Variants in ERICH5 observed in about 807,000 individuals in gnomAD.
ERICH5 encodes glutamate rich 5.
Under a neutral mutation model 28.0 loss-of-function variants are expected in ERICH5, and 24 were observed. The observed-to-expected ratio is 0.86, with a 90% CI of 0.62 to 1.21. The LOEUF is 1.21. Ranked by LOEUF, ERICH5 falls within the 50% of genes most tolerant of loss-of-function variation. The pLI, the probability that ERICH5 is intolerant of heterozygous loss-of-function variation, is 0.00. For missense variants in ERICH5, 421 were observed against 441.2 expected, an observed-to-expected ratio of 0.95 and a Z score of 0.41; for synonymous variants, 163 against 157.6, an observed-to-expected ratio of 1.03 and a Z score of -0.25.
rs1192266903 is a variant in ERICH5, at chr8:98,091,893, TTTC to T, written c.1013-1325_1013-1323del. 8.6e-5 allele frequency among the ~76,000 whole-genome samples: 6 copies of T among 69,950 alleles called. 1 individual carries two copies. Among genetic ancestry groups the T allele is most frequent in the African/African-American group, 3.2e-4 (6 of 19,018 alleles). The allele number at this position is 69,950 out of a possible 152,430, so 45.9% of individuals were successfully genotyped here. A position where few individuals can be genotyped will look rare whatever the true frequency, so the allele number is the denominator to read the frequency against. On this transcript the variant is annotated intron_variant, in intron 2 of 2. Coordinates refer to ENST00000318528, the MANE Select transcript of ERICH5 (RefSeq NM_173549.3). ...CTTTCTTTCTTTCTTTCTTTCTTTCTTTCTTTCCTTTCTTTCTTTCTTTCTTCC... is the reference window on the plus strand; with the variant it reads ...CTTTCTTTCTTTCTTTCTTTCTTTCTTTTCCTTTCTTTCTTTCTTTCTTCC...
Position 98,089,457 on chromosome 8 carries a change from C to CTGAA in ERICH5, c.441_444dup (p.Ala149Ter). On this transcript the variant is annotated frameshift_variant, in exon 2 of 3. Coordinates refer to ENST00000318528, the MANE Select transcript of ERICH5 (RefSeq NM_173549.3). LOFTEE classifies it high-confidence loss of function. ...GAGGCCGAGTCTCTAAAAGGAAATG[C>CTGAA]TGAAGCTCAGCCTTTAGGACCAGAA... is the stretch of plus-strand genomic sequence containing the variant. 6.2e-7 allele frequency: 1 copy of CTGAA among 1,614,216 alleles called. No homozygotes were observed. Among genetic ancestry groups the CTGAA allele is most frequent in the Non-Finnish European group, 8.5e-7 (1 of 1,180,046 alleles).
At chr8:98,084,352 C>T (rs897854444) in intron 1 of ERICH5, among the ~76,000 whole-genome samples, 1 of 152,098 alleles carries the variant, frequency 6.6e-6, no homozygotes, top group African/African-American at 2.4e-5. Flanking sequence ...TCTGTGTTGC[C>T]TGCCTCTAAT....
At position 98,088,850 on chromosome 8, in the gene ERICH5, T is replaced by C. The variant is rs369771780; in HGVS notation, c.59-226T>C. 9.2e-5 allele frequency among the ~76,000 whole-genome samples: 14 copies of C among 152,178 alleles called. No individual in the cohort carries two copies. In the East Asian group the frequency reaches 1.5e-3, roughly 17 times the overall value. On this transcript the variant is annotated intron_variant, in intron 1 of 2. Transcript: ENST00000318528. ...GAGCAAACAGGAGAAAACTGTGGTT[T>C]TGGAGGACTTCAGCGCTTAAGATTA...
intron 1 of ERICH5, among the ~76,000 whole-genome samples, chr8:98,070,791 G>A (rs1814903604): frequency 6.6e-6 from 1 of 151,910 alleles, no homozygotes; most frequent in Non-Finnish European, 1.5e-5. Flanking sequence ...GGGGATTCAG[G>A]GAGGTAAGAG....
intron 1 of ERICH5, among the ~76,000 whole-genome samples, chr8:98,083,302 A>G (rs1376922138): frequency 6.6e-6 from 1 of 152,202 alleles, no homozygotes; most frequent in Non-Finnish European, 1.5e-5. Flanking sequence ...CCCTAAGGCA[A>G]TTATCACCAG....
chr8:98,085,136 C>CTTTTTTTTTTTTTTTTTTTTTTTTTT (rs760470751), intron 1 of ERICH5, among the ~76,000 whole-genome samples: 1 of 57,240 alleles, frequency 1.7e-5, no homozygotes, highest in Non-Finnish European at 3.5e-5. Flanking sequence ...GTTCCACAGC[C>CTTTTTTTTTTTTTTTTTTTTTTTTTT]TTTTTTTTTT....
At chr8:98,075,400 G>T (rs1004972703) in intron 1 of ERICH5, among the ~76,000 whole-genome samples, 1 of 152,188 alleles carries the variant, frequency 6.6e-6, no homozygotes. Context: ...AGGCTTAATG[G>T]TGGCCTCAAA....
rs1491297612 is a variant in ERICH5 at position 98,091,875 on chromosome 8, T to TC, written c.1013-1345dup. Among the ~76,000 whole-genome samples the TC allele has an allele frequency of 4.0e-3, 378 of 93,610 alleles. 4 individuals are homozygous for TC. The highest frequency in any genetic ancestry group is 0.034 in the South Asian group (84 of 2,474). The allele number at this position is 93,610 out of a possible 152,430, so 61.4% of individuals were successfully genotyped here. On this transcript the variant is annotated intron_variant, in intron 2 of 2. Transcript: ENST00000318528. The stretch of plus-strand genomic sequence containing the variant: ...TTCTTTCTTTCTTTCTTTCTTTCTT[T>TC]CTTTCTTTCTTTCTTTCTTTCTTTC...
intron 1 of ERICH5, among the ~76,000 whole-genome samples, chr8:98,065,784 A>G (rs1814809274): frequency 6.6e-6 from 1 of 152,170 alleles, no homozygotes; most frequent in Admixed American, 6.5e-5. Context: ...GGGATTTTGT[A>G]CTGGAGTGAA....
At position 98,087,789 on chromosome 8, in the gene ERICH5, A is replaced by G. The variant is rs187775142; in HGVS notation, c.59-1287A>G. On this transcript the variant is annotated intron_variant, in intron 1 of 2. Transcript: ENST00000318528. ...GAGTGATTTCTAAACTTATTGTATC[A>G]TAATTATTTTCTTATTTTAGCATAT... Among the ~76,000 whole-genome samples, 80 of 152,316 alleles carry G rather than the reference A, an allele frequency of 5.3e-4. 1 individual carries two copies. The East Asian group carries it at 0.015, about 29-fold the overall frequency.
rs1815442979 is a variant in ERICH5 at position 98,093,329 on chromosome 8, C to T, written c.1121C>T (p.Thr374Ile). 3 of 1,610,634 alleles carry T rather than the reference C, an allele frequency of 1.9e-6. No homozygotes were observed. Among genetic ancestry groups the T allele is most frequent in the East Asian group, 4.5e-5 (2 of 44,846 alleles). The part of the protein sequence containing the change: ...TGEVVDLSAA[T>I] ...GAAGTGGTGGACCTTTCAGCAGCCA[C>T]ATAGATAGAAGAGTGAACCGACACA... is the stretch of plus-strand genomic sequence containing the variant. Residue 374 changes from threonine to isoleucine, a missense_variant, in exon 3 of 3, where the codon ACA becomes ATA. Thr to Ile is a moderately conservative substitution (Grantham distance 89, BLOSUM62 -1). Transcript: ENST00000318528.
rs751924915 is a variant in ERICH5, at chr8:98,089,398, A to G, written c.381A>G (p.Ala127=). The G allele has an allele frequency of 2.5e-6, 4 of 1,614,272 alleles. No homozygotes were observed. The highest frequency in any genetic ancestry group is 1.7e-5 in the Admixed American group (1 of 60,032). The change falls in exon 2 of 3, where the codon GCA becomes GCG. Residue 127 remains alanine, a synonymous_variant. Coordinates refer to ENST00000318528, the MANE Select transcript of ERICH5 (RefSeq NM_173549.3). ...GTGGCAAAGAGGATGCCCCAGCAGCAGAAGGAAAGAAGAAAGATGCAGGAG... is the reference window on the plus strand; with the variant it reads ...GTGGCAAAGAGGATGCCCCAGCAGCGGAAGGAAAGAAGAAAGATGCAGGAG... The part of the protein sequence containing the change: ...QPGGKEDAPA[A]EGKKKDAGAG...
intron 1 of ERICH5, among the ~76,000 whole-genome samples, chr8:98,076,694 C>T (rs1815061512): frequency 6.6e-6 from 1 of 152,106 alleles, no homozygotes; most frequent in Non-Finnish European, 1.5e-5. Flanking sequence ...CTAGTTCAGT[C>T]TCTCCAAGTA....
chr8:98,078,875 T>G (rs2045806), intron 1 of ERICH5, among the ~76,000 whole-genome samples: 101,276 of 152,080 alleles, frequency 0.67, 34,026 homozygotes, highest in Middle Eastern at 0.85. Flanking sequence ...ACAATATTTA[T>G]TATATAATAA....
chr8:98,070,666 A>AAAAAAAAAAAAAAAAAAAAAAAC (rs1814898682), intron 1 of ERICH5, among the ~76,000 whole-genome samples: 1 of 136,996 alleles, frequency 7.3e-6, no homozygotes, highest in African/African-American at 3.0e-5. Flanking sequence ...ATCTCAAAAA[A>AAAAAAAAAAAAAAAAAAAAAAAC]AAAAAAAAAA....
intron 1 of ERICH5, among the ~76,000 whole-genome samples, chr8:98,088,813 A>G (rs1475949571): frequency 6.6e-6 from 1 of 152,240 alleles, no homozygotes; most frequent in East Asian, 1.9e-4. Context: ...GAGCCATGAA[A>G]AGATGCACAA....
intron 1 of ERICH5, among the ~76,000 whole-genome samples, chr8:98,066,280 G>A (rs1472842467): frequency 2.0e-5 from 3 of 152,156 alleles, no homozygotes; most frequent in Non-Finnish European, 4.4e-5. Context: ...AAAGCCGAGG[G>A]AAAACAGATG....
chr8:98,064,759 GGC>G, intron 1 of ERICH5, 32 bp downstream of exon 1: 1 of 1,518,050 alleles, frequency 6.6e-7, no homozygotes, highest in Non-Finnish European at 8.8e-7. Flanking sequence ...CCCGCGCCCG[GGC>G]TGGGGACTCG....
chr8:98,091,891 T>TCTTCCTTC (rs1563759533), intron 2 of ERICH5, among the ~76,000 whole-genome samples: 1 of 74,318 alleles, frequency 1.3e-5, no homozygotes, highest in African/African-American at 5.0e-5. Flanking sequence ...TTTCTTTCTT[T>TCTTCCTTC]CTTTCTTTCC....
Sources: gnomAD v4.1 joint callset for allele counts (sites outside exome capture counted in the v4.1 genomes callset) on GRCh38, gnomAD v4.1.1 for gene constraint, MANE v1.5 for transcripts, NCBI Gene and HGNC (gene_info 2026-07-23, HGNC 2026-07-21) for gene names.